Variants in POFUT3 observed in about 807,000 individuals in gnomAD.
The protein encoded by POFUT3 is GDP-fucose protein O-fucosyltransferase 3.
At chr8:33,377,891 T>G in the POFUT3 span, among the ~76,000 whole-genome samples, 1 of 152,136 alleles carries the variant, frequency 6.6e-6, no homozygotes, top group Non-Finnish European at 1.5e-5. Flanking sequence ...TTCCAGAGGG[T>G]GACAAAGCCC....
At chr8:33,414,757 T>C in the POFUT3 span, among the ~76,000 whole-genome samples, 1 of 152,262 alleles carries the variant, frequency 6.6e-6, no homozygotes, top group South Asian at 2.1e-4. Flanking sequence ...CTTCCTTCTT[T>C]TATTTCCAAA....
At chr8:33,316,196 T>G in the POFUT3 span, among the ~76,000 whole-genome samples, 3 of 152,060 alleles carry the variant, frequency 2.0e-5, no homozygotes, top group African/African-American at 7.2e-5. Context: ...CCCTTTGAAG[T>G]GGACTTAAAA....
chr8:33,457,021 A>G, the POFUT3 span, among the ~76,000 whole-genome samples: 2 of 152,068 alleles, frequency 1.3e-5, no homozygotes, highest in Admixed American at 1.3e-4. Context: ...CACCCACCTC[A>G]GCCTCCTAAA....
chr8:33,370,267 A>G, the POFUT3 span, among the ~76,000 whole-genome samples: 1 of 151,520 alleles, frequency 6.6e-6, no homozygotes, highest in African/African-American at 2.4e-5. Flanking sequence ...AGGCAGAAGA[A>G]TCGCTTGAAC....
At chr8:33,446,496 C>A in the POFUT3 span, among the ~76,000 whole-genome samples, 1 of 151,726 alleles carries the variant, frequency 6.6e-6, no homozygotes, top group African/African-American at 2.4e-5. Flanking sequence ...TCCTTTGGCG[C>A]CTGGCACAGA....
the POFUT3 span, among the ~76,000 whole-genome samples, chr8:33,412,583 G>C: frequency 6.6e-6 from 1 of 152,116 alleles, no homozygotes; most frequent in African/African-American, 2.4e-5. Flanking sequence ...CAAGCGAAAA[G>C]CTCTCATATC....
At chr8:33,389,363 A>G in the POFUT3 span, 3 of 1,614,216 alleles carry the variant, frequency 1.9e-6, no homozygotes, top group Non-Finnish European at 2.5e-6. Context: ...ATACTGTGCA[A>G]TGATCCTATA....
At chr8:33,383,768 C>T in the POFUT3 span, among the ~76,000 whole-genome samples, 1 of 147,426 alleles carries the variant, frequency 6.8e-6, no homozygotes, top group Non-Finnish European at 1.5e-5. Flanking sequence ...CACTGCACTC[C>T]AGCCTGGGTG....
chr8:33,380,015 G>GTA, the POFUT3 span, among the ~76,000 whole-genome samples: 5 of 53,470 alleles, frequency 9.4e-5, no homozygotes, highest in East Asian at 5.6e-4. Context: ...TATATATATA[G>GTA]TATATATATA....
chr8:33,380,392 C>T, the POFUT3 span, among the ~76,000 whole-genome samples: 1 of 149,614 alleles, frequency 6.7e-6, no homozygotes, highest in Non-Finnish European at 1.5e-5. Context: ...TCCTAAGCTA[C>T]TTTCAATTCT....
chr8:33,377,264 G>A, the POFUT3 span, among the ~76,000 whole-genome samples: 3 of 151,652 alleles, frequency 2.0e-5, no homozygotes, highest in East Asian at 5.8e-4. Context: ...TATAAAAGGG[G>A]AAGTTTCAGT....
At chr8:33,394,344 C>T in the POFUT3 span, 2 of 157,942 alleles carry the variant, frequency 1.3e-5, no homozygotes, top group African/African-American at 4.8e-5. Context: ...CCCATCCATC[C>T]ACTCAGGACC....
At chr8:33,451,093 C>T in the POFUT3 span, among the ~76,000 whole-genome samples, 3 of 99,072 alleles carry the variant, frequency 3.0e-5, no homozygotes, top group African/African-American at 1.2e-4. Flanking sequence ...TGTGTGTGTA[C>T]ACATACATGT....
the POFUT3 span, among the ~76,000 whole-genome samples, chr8:33,411,387 G>C: frequency 6.6e-6 from 1 of 152,168 alleles, no homozygotes; most frequent in African/African-American, 2.4e-5. Flanking sequence ...GGATGTGCTG[G>C]TTTCAACTTT....
the POFUT3 span, among the ~76,000 whole-genome samples, chr8:33,365,912 AC>A: frequency 2.6e-5 from 4 of 152,210 alleles, no homozygotes; most frequent in South Asian, 2.1e-4. Context: ...CTGGGTATAC[AC>A]CCAAAGGATT....
chr8:33,392,298 T>C, the POFUT3 span, among the ~76,000 whole-genome samples: 1 of 152,154 alleles, frequency 6.6e-6, no homozygotes, highest in African/African-American at 2.4e-5. Context: ...CATTTTGGCA[T>C]GGCACAATGG....
the POFUT3 span, among the ~76,000 whole-genome samples, chr8:33,309,167 AATATATAT>A: frequency 1.1e-3 from 57 of 53,690 alleles, 1 homozygote; most frequent in South Asian, 4.2e-3. Context: ...AAAAAAAAAA[AATATATAT>A]ATATATATAT....
At chr8:33,344,767 C>A in the POFUT3 span, among the ~76,000 whole-genome samples, 1 of 152,180 alleles carries the variant, frequency 6.6e-6, no homozygotes. Flanking sequence ...AGACACATAT[C>A]AAAAGGACAG....
chr8:33,457,874 CTA>C, the POFUT3 span, among the ~76,000 whole-genome samples: 11 of 150,778 alleles, frequency 7.3e-5, no homozygotes, highest in African/African-American at 2.7e-4. Context: ...CTCCAGAGAA[CTA>C]TGTTTTAGCT....
Sources: allele counts gnomAD v4.1 joint callset (sites outside exome capture counted in the v4.1 genomes callset), GRCh38; gene constraint gnomAD v4.1.1; transcripts MANE v1.5; gene names NCBI Gene and HGNC (gene_info 2026-07-23, HGNC 2026-07-21).